ZNF429: variants seen among roughly 807,000 people sequenced by gnomAD.
ZNF429 encodes zinc finger protein 429.
A neutral mutation model predicts 56.8 loss-of-function variants in ZNF429; 53 were observed. That is an observed-to-expected ratio of 0.93 (90% confidence interval 0.75 to 1.17). The LOEUF (loss-of-function observed/expected upper bound fraction) is 1.17. ZNF429 is among the 50% of genes most tolerant of loss of function. ZNF429 has a pLI of 0.00. For missense variants in ZNF429, 849 were observed against 788.4 expected (o/e 1.08, Z -0.92); for synonymous variants, 278 against 264.7 (o/e 1.05, Z -0.49).
chr19:21,511,212 AC>A (rs1365713979), intron 1 of ZNF429, among the ~76,000 whole-genome samples: 1 of 146,532 alleles, frequency 6.8e-6, no homozygotes, highest in East Asian at 2.1e-4. Context: ...GCGGGGGCTG[AC>A]CCCCCACCTC....
intron 1 of ZNF429, among the ~76,000 whole-genome samples, chr19:21,511,392 C>A (rs1477844726): frequency 6.6e-6 from 1 of 151,854 alleles, no homozygotes; most frequent in African/African-American, 2.4e-5. Flanking sequence ...TCCTCACCTC[C>A]CAGACAGGGT....
At chr19:21,516,416 G>A (rs1313392737) in intron 1 of ZNF429, among the ~76,000 whole-genome samples, 1 of 152,030 alleles carries the variant, frequency 6.6e-6, no homozygotes, top group East Asian at 1.9e-4. Context: ...GGATTGCATT[G>A]GCTCTTCGGG....
chr19:21,513,792 C>T (rs572152402), intron 1 of ZNF429, among the ~76,000 whole-genome samples: 14 of 152,014 alleles, frequency 9.2e-5, no homozygotes, highest in African/African-American at 2.7e-4. Context: ...TTAGAGGGAA[C>T]GATCTCTGAT....
At position 21,512,849 on chromosome 19, in the gene ZNF429, G is replaced by T. The variant is rs568668933; in HGVS notation, c.3+7075G>T. 5.3e-5 allele frequency among the ~76,000 whole-genome samples: 8 copies of T among 151,920 alleles called. No individual in the cohort carries two copies. In the South Asian group the frequency reaches 1.7e-3, roughly 32 times the overall value. ...AGTCTATGTCTGGCTTATGTGACAG[G>T]TAAGAATAGAGAGCACCATCTAAGT... is the stretch of plus-strand genomic sequence containing the variant. On this transcript the variant is annotated intron_variant, in intron 1 of 3. Transcript: ENST00000358491.
intron 3 of ZNF429, among the ~76,000 whole-genome samples, chr19:21,533,714 G>A: frequency 6.7e-5 from 10 of 149,702 alleles, no homozygotes; most frequent in East Asian, 5.8e-4. Flanking sequence ...GGAGTGTACC[G>A]GTGTAGTCTC....
chr19:21,535,416 CTTTCTTTCTTTCTTTCTTTCTTT>C lies in ZNF429; in HGVS notation c.227-863_227-841del. 7.3e-3 allele frequency among the ~76,000 whole-genome samples: 58 copies of C among 7,912 alleles called. 10 individuals are homozygous for C. Among genetic ancestry groups the C allele is most frequent in the South Asian group, 0.039 (13 of 330 alleles). The allele number at this position is 7,912 out of a possible 152,430, so 5.2% of individuals were successfully genotyped here. A position where few individuals can be genotyped will look rare whatever the true frequency, so the allele number is the denominator to read the frequency against. On this transcript the variant is annotated intron_variant, in intron 3 of 3. Transcript: ENST00000358491. ...TTCTTTCTTTCTTTCTTTTTCTTTT[CTTTCTTTCTTTCTTTCTTTCTTT>C]CTTTCTTTCTTTCTTTCTTTCTTTC...
At chr19:21,521,485 A>C (rs949885264) in intron 1 of ZNF429, 1 of 152,204 alleles carries the variant, frequency 6.6e-6, no homozygotes, top group Non-Finnish European at 1.5e-5. Flanking sequence ...CATAATGCTC[A>C]TGTTTCTCAT....
intron 1 of ZNF429, among the ~76,000 whole-genome samples, chr19:21,517,153 G>A (rs918650207): frequency 6.6e-6 from 1 of 152,150 alleles, no homozygotes; most frequent in Non-Finnish European, 1.5e-5. Context: ...CATGAAGAAT[G>A]TTACATTTTA....
At position 21,516,875 on chromosome 19, in the gene ZNF429, A is replaced by T. The variant is rs1406109277; in HGVS notation, c.3+11101A>T. ...TATAGGGTTTTCTAGATATAGAATC[A>T]TGTCATCTGCAAACAGGGTTAGTTT... On this transcript the variant is annotated intron_variant, in intron 1 of 3. Transcript: ENST00000358491. Among the ~76,000 whole-genome samples the T allele has an allele frequency of 2.6e-5, 4 of 152,238 alleles. No homozygotes were observed. The South Asian group carries it at 8.3e-4, about 31-fold the overall frequency.
chr19:21,525,921 A>C (rs2033151819), intron 1 of ZNF429, among the ~76,000 whole-genome samples: 1 of 152,302 alleles, frequency 6.6e-6, no homozygotes, highest in Non-Finnish European at 1.5e-5. Context: ...TTAAACACTT[A>C]GTACCAACTC....
At position 21,539,135 on chromosome 19, in the gene ZNF429, T is replaced by G. The variant is rs151188786; in HGVS notation, c.*1057T>G. ...ACATATATTTTTGCATATGGCCATA[T>G]GTATAAAAATATTTAATTCAAAATT... On this transcript the variant is annotated 3_prime_UTR_variant, in exon 4 of 4. Transcript: ENST00000358491. 3.6e-3 allele frequency among the ~76,000 whole-genome samples: 550 copies of G among 152,122 alleles called. 2 individuals are homozygous for G. Among genetic ancestry groups the G allele is most frequent in the African/African-American group, 0.012 (508 of 41,408 alleles).
chr19:21,511,480 G>A lies in ZNF429; in HGVS notation c.3+5706G>A, dbSNP rs532666791. ...GCGCTCCCCACATCTCAGACGATGG[G>A]TGGCCAGGCAGAGATGCTCCTCACT... On this transcript the variant is annotated intron_variant, in intron 1 of 3. Transcript: ENST00000358491. Among the ~76,000 whole-genome samples, 5 of 152,040 alleles carry A rather than the reference G, an allele frequency of 3.3e-5. No homozygotes were observed. The East Asian group carries it at 9.7e-4, about 30-fold the overall frequency.
chr19:21,535,391 T>C lies in ZNF429; in HGVS notation c.227-889T>C. On this transcript the variant is annotated intron_variant, in intron 3 of 3. Coordinates refer to ENST00000358491, the MANE Select transcript of ZNF429 (RefSeq NM_001001415.4). The stretch of plus-strand genomic sequence containing the variant: ...TTTCTTTCTTTCTTTTTTACTTTCT[T>C]TCTTTCTTTCTTTCTTTTTCTTTTC... Among the ~76,000 whole-genome samples the C allele has an allele frequency of 2.1e-3, 99 of 47,624 alleles. 7 individuals are homozygous for C. Among genetic ancestry groups the C allele is most frequent in the Non-Finnish European group, 2.3e-3 (61 of 26,550 alleles). The allele number at this position is 47,624 out of a possible 152,430, so 31.2% of individuals were successfully genotyped here.
At chr19:21,532,247 T>C in intron 3 of ZNF429, among the ~76,000 whole-genome samples, 1 of 9,796 alleles carries the variant, frequency 1.0e-4, no homozygotes, top group Non-Finnish European at 2.4e-4. Context: ...AATTTCAGTG[T>C]TTTTTTTTTC....
rs765395992 is a variant in ZNF429, at chr19:21,537,247, A to T, written c.1194A>T (p.Lys398Asn). Residue 398 changes from lysine to asparagine, a missense_variant, in exon 4 of 4, where the codon AAA becomes AAT. Lys to Asn is a moderately conservative substitution (Grantham distance 94, BLOSUM62 0). Coordinates refer to ENST00000358491, the MANE Select transcript of ZNF429 (RefSeq NM_001001415.4). ...TTCATACTGGAGAGGAACCCTACAA[A>T]TTTGAAAAATGTGGCAGAGTTTTTA... ...KKIHTGEEPY[K>N]FEKCGRVFTC... The T allele has an allele frequency of 6.2e-7, 1 of 1,613,858 alleles. No homozygotes were observed. The highest frequency in any genetic ancestry group is 2.2e-5 in the East Asian group (1 of 44,832).
rs1599498492 is a variant in ZNF429, at chr19:21,538,295, AAAAAG to A, written c.*227_*231del. ...TCCATCTCAAAAAAAAAAAAAAAAA[AAAAAG>A]AAAAGAAAATTCATAGGCCAGGTAT... is the stretch of plus-strand genomic sequence containing the variant. On this transcript the variant is annotated 3_prime_UTR_variant, in exon 4 of 4. Coordinates refer to ENST00000358491, the MANE Select transcript of ZNF429 (RefSeq NM_001001415.4). 7.1e-6 allele frequency among the ~76,000 whole-genome samples: 1 copy of A among 141,442 alleles called. No individual in the cohort carries two copies. Among genetic ancestry groups the A allele is most frequent in the African/African-American group, 2.7e-5 (1 of 37,664 alleles). 92.8% of individuals were successfully genotyped at this position (141,442 alleles called of 152,430 possible).
At position 21,535,453 on chromosome 19, in the gene ZNF429, TTTCTTTCTTTCTTTCTTTC is replaced by T; in HGVS notation, c.227-824_227-806del. 1.9e-5 allele frequency among the ~76,000 whole-genome samples: 2 copies of T among 107,400 alleles called. 1 individual carries two copies. Among genetic ancestry groups the T allele is most frequent in the African/African-American group, 8.7e-5 (2 of 23,046 alleles). The allele number at this position is 107,400 out of a possible 152,430, so 70.5% of individuals were successfully genotyped here. A position where few individuals can be genotyped will look rare whatever the true frequency, so the allele number is the denominator to read the frequency against. On this transcript the variant is annotated intron_variant, in intron 3 of 3. Transcript: ENST00000358491. Reference sequence around the variant, plus strand: ...CTTTCTTTCTTTCTTTCTTTCTTTCTTTCTTTCTTTCTTTCTTTCTTTCTTTCTTTCTTTCTTTCTTTCT... The same window carrying T: ...CTTTCTTTCTTTCTTTCTTTCTTTCTTTTCTTTCTTTCTTTCTTTCTTTCT...
At position 21,536,822 on chromosome 19, in the gene ZNF429, T is replaced by G; in HGVS notation, c.769T>G (p.Tyr257Asp). ...GAGAATTCATACTGGAGAGAAACCC[T>G]ACAAATGTAAAGAATGTGGCAAAGC... Reference protein sequence around the residue: ...HKRIHTGEKPYKCKECGKAFS... With the variant: ...HKRIHTGEKPDKCKECGKAFS... The change falls in exon 4 of 4, where the codon TAC becomes GAC. Residue 257 changes from tyrosine (Y) to aspartate (D), a missense_variant. Transcript: ENST00000358491. 6.2e-7 allele frequency: 1 copy of G among 1,613,896 alleles called. No individual in the cohort carries two copies. The highest frequency in any genetic ancestry group is 1.1e-5 in the South Asian group (1 of 91,072).
rs369508136 is a variant in ZNF429 at position 21,538,204 on chromosome 19, G to A, written c.*126G>A. The A allele has an allele frequency of 8.4e-5, 38 of 453,240 alleles. No individual in the cohort carries two copies. Among genetic ancestry groups the A allele is most frequent in the Admixed American group, 1.8e-4 (5 of 27,712 alleles). The allele number at this position is 453,240 out of a possible 1,614,324, so 28.1% of individuals were successfully genotyped here. A position where few individuals can be genotyped will look rare whatever the true frequency, so the allele number is the denominator to read the frequency against. On this transcript the variant is annotated 3_prime_UTR_variant, in exon 4 of 4. Transcript: ENST00000358491. ...TGAGGCAGGAGAATGGCCTGAACCCGGAGGTGGAGCTTGCATTGAGCCAAG... is the reference window on the plus strand; with the variant it reads ...TGAGGCAGGAGAATGGCCTGAACCCAGAGGTGGAGCTTGCATTGAGCCAAG...
Sources: gnomAD v4.1 joint callset for allele counts (sites outside exome capture counted in the v4.1 genomes callset) on GRCh38, gnomAD v4.1.1 for gene constraint, MANE v1.5 for transcripts, NCBI Gene and HGNC (gene_info 2026-07-23, HGNC 2026-07-21) for gene names.